The following RNASEL variants were observed in gnomAD, a reference collection of about 807,000 sequenced individuals.
The protein encoded by RNASEL is 2-5A-dependent ribonuclease.
Under a neutral mutation model 50.9 loss-of-function variants are expected in RNASEL, and 36 were observed. The ratio of observed to expected loss-of-function variants is 0.71; its 90% CI spans 0.54 to 0.93. The LOEUF (loss-of-function observed/expected upper bound fraction) is 0.93. RNASEL is among the 40% of genes least tolerant of loss of function. The probability of loss-of-function intolerance (pLI) is 0.00; values close to 1 mark genes in which losing one functional copy is unlikely to be tolerated. For missense variants in RNASEL, 860 were observed against 894.5 expected (o/e 0.96, Z 0.49); for synonymous variants, 335 against 335.6 (o/e 1.00, Z 0.02).
In RNASEL at chr1:182,586,456, A is replaced by G. The variant is rs370473435; in HGVS notation, c.351T>C (p.Asp117=). 8.1e-5 allele frequency: 130 copies of G among 1,614,054 alleles called. 2 individuals carry two copies. The African/African-American group carries it at 1.7e-3, about 21-fold the overall frequency. Reference sequence around the variant, plus strand: ...AGCCATAAAAATCACACTCATTGACATCTGCTCCTTTAGAAAGGAAAAGTT... The same window carrying G: ...AGCCATAAAAATCACACTCATTGACGTCTGCTCCTTTAGAAAGGAAAAGTT... ...LLKLFLSKGA[D]VNECDFYGFT... is the part of the protein sequence containing the mutation. Residue 117 remains aspartate, a synonymous_variant, in exon 2 of 7, where the codon GAT becomes GAC. Transcript: ENST00000367559.
rs1405656195 is a variant in RNASEL, at chr1:182,582,044, T to G, written c.1772+9A>C. 1.9e-6 allele frequency: 3 copies of G among 1,613,756 alleles called. No homozygotes were observed. In the South Asian group the frequency reaches 3.3e-5, roughly 18 times the overall value. On this transcript the variant is annotated intron_variant, in intron 4 of 6. Transcript: ENST00000367559. The stretch of plus-strand genomic sequence containing the variant: ...GAGGCCTGTGGCATCTGCACAAAGT[T>G]TTACTTACCTCTCCCAAGTCCAAAA...
intron 3 of RNASEL, among the ~76,000 whole-genome samples, chr1:182,583,339 G>C (rs1012233399): frequency 1.3e-5 from 2 of 152,194 alleles, no homozygotes; most frequent in African/African-American, 4.8e-5. Flanking sequence ...TGCGGGAGAA[G>C]CCCAAGGAAA....
At chr1:182,580,811 A>G (rs935528174) in intron 5 of RNASEL, among the ~76,000 whole-genome samples, 2 of 152,118 alleles carry the variant, frequency 1.3e-5, no homozygotes, top group Admixed American at 1.3e-4. Context: ...TGGGCTGTTT[A>G]CAGGCAGTGG....
In RNASEL at chr1:182,575,500, T is replaced by G. The variant is rs956907265; in HGVS notation, c.2118A>C (p.Lys706Asn). ...FPDLVIYVYTKLQNTEYRKHF... is the reference protein window; with the variant it reads ...FPDLVIYVYTNLQNTEYRKHF... Reference sequence around the variant, plus strand: ...GCTTTCTATATTCTGTGTTCTGTAGTTTTGTGTAGACATAGATCACCAGAT... The same window carrying G: ...GCTTTCTATATTCTGTGTTCTGTAGGTTTGTGTAGACATAGATCACCAGAT... The change falls in exon 7 of 7, where the codon AAA becomes AAC. Residue 706 changes from lysine to asparagine, a missense_variant. Physicochemically the swap from Lys to Asn is moderately conservative, Grantham distance 94. Coordinates refer to ENST00000367559, the MANE Select transcript of RNASEL (RefSeq NM_021133.4). 6.2e-7 allele frequency: 1 copy of G among 1,614,176 alleles called. No individual in the cohort carries two copies. The highest frequency in any genetic ancestry group is 8.5e-7 in the Non-Finnish European group (1 of 1,180,018).
rs1661343016 is a variant in RNASEL, at chr1:182,574,355, T to C, written c.*1037A>G. On this transcript the variant is annotated 3_prime_UTR_variant, in exon 7 of 7. Coordinates refer to ENST00000367559, the MANE Select transcript of RNASEL (RefSeq NM_021133.4). ...TGGGAGCCAGAAGGAGCTCCTAGAC[T>C]GGGTATGGGAAGTGAGGGAGGCCTG... 4.4e-6 allele frequency: 1 copy of C among 226,814 alleles called. No individual in the cohort carries two copies. The highest frequency in any genetic ancestry group is 2.2e-5 in the African/African-American group (1 of 44,890). The allele number at this position is 226,814 out of a possible 1,614,324, so 14.1% of individuals were successfully genotyped here.
chr1:182,581,164 T>A, intron 5 of RNASEL, 61 bp downstream of exon 5: 1 of 1,612,438 alleles, frequency 6.2e-7, no homozygotes, highest in Admixed American at 1.7e-5. Flanking sequence ...AAAACTAACA[T>A]AAAACATTAC....
Position 182,585,605 on chromosome 1 carries a change from G to T in RNASEL, c.1202C>A (p.Ala401Glu). 6.2e-7 allele frequency: 1 copy of T among 1,614,156 alleles called. No homozygotes were observed. The highest frequency in any genetic ancestry group is 8.5e-7 in the Non-Finnish European group (1 of 1,180,038). ...VKTFCEGSPR[A>E]QREVSCLQSS... ...TTGCAGACAAGAGACTTCCCGCTGT[G>T]CACGTGGGCTGCCCTCACAGAACGT... Residue 401 changes from alanine (A) to glutamate (E), a missense_variant, in exon 2 of 7, where the codon GCA (alanine) becomes GAA (glutamate). By Grantham distance (107) the Ala-to-Glu change is moderately radical. Transcript: ENST00000367559.
At position 182,585,676 on chromosome 1, in the gene RNASEL, T is replaced by A; in HGVS notation, c.1131A>T (p.Gly377=). ...EKYKIADTSE[G]GIYLGFYEKQ... is the part of the protein sequence containing the mutation. ...TCTCATAGAACCCCAGGTAGATGCC[T>A]CCTTCTGAAGTATCAGCAATTTTGT... The change falls in exon 2 of 7, where the codon GGA becomes GGT. Residue 377 remains glycine, a synonymous_variant. Coordinates refer to ENST00000367559, the MANE Select transcript of RNASEL (RefSeq NM_021133.4). 4 of 1,614,148 alleles carry A rather than the reference T, an allele frequency of 2.5e-6. No homozygotes were observed. The highest frequency in any genetic ancestry group is 1.7e-6 in the Non-Finnish European group (2 of 1,180,038).
At position 182,579,426 on chromosome 1, in the gene RNASEL, T is replaced by C; in HGVS notation, c.1905+1799A>G. The C allele has an allele frequency of 2.0e-6, 2 of 987,070 alleles. 1 individual carries two copies. The highest frequency in any genetic ancestry group is 8.9e-5 in the South Asian group (2 of 22,364). 61.1% of individuals were successfully genotyped at this position (987,070 alleles called of 1,614,324 possible). A position where few individuals can be genotyped will look rare whatever the true frequency, so the allele number is the denominator to read the frequency against. ...AATCCAGTGGGTCACTTAGGAAGAGTAACTGATGAAAGAGCAATGCTAGTG... is the reference window on the plus strand; with the variant it reads ...AATCCAGTGGGTCACTTAGGAAGAGCAACTGATGAAAGAGCAATGCTAGTG... On this transcript the variant is annotated intron_variant, in intron 5 of 6. Transcript: ENST00000367559.
chr1:182,586,900 A>G lies in RNASEL; in HGVS notation c.-94T>C. 6.5e-7 allele frequency: 1 copy of G among 1,549,174 alleles called. No homozygotes were observed. The highest frequency in any genetic ancestry group is 1.1e-5 in the South Asian group (1 of 89,378). On this transcript the variant is annotated 5_prime_UTR_variant, in exon 2 of 7. Coordinates refer to ENST00000367559, the MANE Select transcript of RNASEL (RefSeq NM_021133.4). ...CTTAATCAAAGAAGCTTTGAGTGTA[A>G]ATTGGGATTCTCTGGCAACAGAGCA... is the stretch of plus-strand genomic sequence containing the variant.
intron 3 of RNASEL, among the ~76,000 whole-genome samples, chr1:182,583,355 TG>T (rs1156839980): frequency 6.6e-6 from 1 of 152,220 alleles, no homozygotes; most frequent in Non-Finnish European, 1.5e-5. Flanking sequence ...GGAAATGCCA[TG>T]GCCTACAGGG....
Position 182,575,127 on chromosome 1 carries a change from C to T in RNASEL, c.*265G>A. 1.9e-6 allele frequency: 1 copy of T among 520,734 alleles called. No homozygotes were observed. Among genetic ancestry groups the T allele is most frequent in the African/African-American group, 1.9e-5 (1 of 52,708 alleles). The allele number at this position is 520,734 out of a possible 1,614,324, so 32.3% of individuals were successfully genotyped here. The stretch of plus-strand genomic sequence containing the variant: ...ACATATGCAGCATTAGGGGTCAAGG[C>T]ACTCATTCTTTTGGTGCAATTGACA... On this transcript the variant is annotated 3_prime_UTR_variant, in exon 7 of 7. Coordinates refer to ENST00000367559, the MANE Select transcript of RNASEL (RefSeq NM_021133.4).
Position 182,586,881 on chromosome 1 carries a change from C to G in RNASEL, c.-75G>C. 6.3e-7 allele frequency: 1 copy of G among 1,591,912 alleles called. No homozygotes were observed. The highest frequency in any genetic ancestry group is 8.6e-7 in the Non-Finnish European group (1 of 1,164,134). ...GCAAATTTATCTCCTAGCACTTAAT[C>G]AAAGAAGCTTTGAGTGTAAATTGGG... On this transcript the variant is annotated 5_prime_UTR_variant, in exon 2 of 7. Coordinates refer to ENST00000367559, the MANE Select transcript of RNASEL (RefSeq NM_021133.4).
intron 5 of RNASEL, among the ~76,000 whole-genome samples, 156 bp from the exon 6 acceptor site, chr1:182,576,545 T>C (rs1053291428): frequency 2.6e-5 from 4 of 152,170 alleles, no homozygotes; most frequent in Admixed American, 6.5e-5. Context: ...AAAATGGAAG[T>C]AAATGCTGTA....
Position 182,575,483 on chromosome 1 carries a change from T to C in RNASEL, c.2135A>G (p.Tyr712Cys), listed in dbSNP as rs575231428. The stretch of plus-strand genomic sequence containing the variant: ...GTGGGTTTGGGGGAAATGCTTTCTA[T>C]ATTCTGTGTTCTGTAGTTTTGTGTA... ...YVYTKLQNTE[Y>C]RKHFPQTHSP... is the part of the protein sequence containing the mutation. Residue 712 changes from tyrosine (Y) to cysteine (C), a missense_variant, in exon 7 of 7, where the codon TAT (tyrosine) becomes TGT (cysteine). Transcript: ENST00000367559. 1 of 1,614,144 alleles carries C rather than the reference T, an allele frequency of 6.2e-7. No homozygotes were observed. The highest frequency in any genetic ancestry group is 2.2e-5 in the East Asian group (1 of 44,894).
rs768670325 is a variant in RNASEL at position 182,581,291 on chromosome 1, C to A, written c.1839G>T (p.Glu613Asp). 8.7e-6 allele frequency: 14 copies of A among 1,614,142 alleles called. No homozygotes were observed. In the East Asian group the frequency reaches 8.9e-5, roughly 10 times the overall value. The change falls in exon 5 of 7, where the codon GAG becomes GAT. Residue 613 changes from glutamate to aspartate, a missense_variant. Glu to Asp is a conservative substitution (Grantham distance 45). Coordinates refer to ENST00000367559, the MANE Select transcript of RNASEL (RefSeq NM_021133.4). ...SDIKTRKSES[E>D]ILRLLQPGPS... ...GCCCAGGTTGCAGTAGTCTGAGGAT[C>A]TCACTTTCAGATTTTCGTGTTTTGA...
intron 4 of RNASEL, 35 bp from the exon 5 acceptor site, chr1:182,581,392 C>T (rs144273746): frequency 1.9e-6 from 3 of 1,591,360 alleles, no homozygotes; most frequent in East Asian, 4.6e-5. Flanking sequence ...TGATCATGAT[C>T]ATCCCATCCC....
intron 3 of RNASEL, among the ~76,000 whole-genome samples, chr1:182,583,490 T>C (rs1661534475): frequency 6.6e-6 from 1 of 152,176 alleles, no homozygotes; most frequent in Non-Finnish European, 1.5e-5. Context: ...ATATTGAGTG[T>C]CAACTTGATT....
chr1:182,588,438 A>G (rs1481570933), intron 1 of RNASEL, among the ~76,000 whole-genome samples: 1 of 152,164 alleles, frequency 6.6e-6, no homozygotes. Context: ...TTGCTTAGTG[A>G]ATTCTATTCT....
Sources: gnomAD v4.1 joint callset for allele counts (sites outside exome capture counted in the v4.1 genomes callset) on GRCh38, gnomAD v4.1.1 for gene constraint, MANE v1.5 for transcripts, NCBI Gene and HGNC (gene_info 2026-07-23, HGNC 2026-07-21) for gene names.